DCC: variants seen among roughly 807,000 people sequenced by gnomAD.
The protein encoded by DCC is DCC netrin 1 receptor.
Under a neutral mutation model 172.5 loss-of-function variants are expected in DCC, and 58 were observed. The observed-to-expected ratio is 0.34, with a 90% CI of 0.27 to 0.42. The LOEUF is 0.42. Ranked by LOEUF, DCC falls within the 10% of genes least tolerant of loss-of-function variation. DCC has a pLI of 1.00. For missense variants in DCC, 1,740 were observed against 1,791.0 expected (o/e 0.97, Z 0.51); for synonymous variants, 709 against 644.5 (o/e 1.10, Z -1.52).
At chr18:53,345,105 A>C (rs1312102560) in intron 15 of DCC, among the ~76,000 whole-genome samples, 1 of 151,586 alleles carries the variant, frequency 6.6e-6, no homozygotes. Context: ...TTATTTGTGG[A>C]CCCAAGAATC....
intron 1 of DCC, among the ~76,000 whole-genome samples, chr18:52,566,417 A>G (rs2033162491): frequency 6.6e-6 from 1 of 152,096 alleles, no homozygotes; most frequent in African/African-American, 2.4e-5. Flanking sequence ...TACCTAATGT[A>G]GATGAGGGGT....
At chr18:53,043,705 C>T (rs2042199934) in intron 5 of DCC, among the ~76,000 whole-genome samples, 1 of 151,888 alleles carries the variant, frequency 6.6e-6, no homozygotes, top group African/African-American at 2.4e-5. Context: ...GGAAATGTGA[C>T]ATCACTGAAT....
intron 1 of DCC, among the ~76,000 whole-genome samples, chr18:52,695,192 A>G (rs2035993321): frequency 6.6e-6 from 1 of 152,190 alleles, no homozygotes; most frequent in Non-Finnish European, 1.5e-5. Context: ...GTGGCATCCT[A>G]AGCAACTTAC....
chr18:52,384,236 C>T (rs940786632), intron 1 of DCC, among the ~76,000 whole-genome samples: 1 of 152,024 alleles, frequency 6.6e-6, no homozygotes, highest in African/African-American at 2.4e-5. Flanking sequence ...TCACATAACC[C>T]CTATAATCAT....
At chr18:53,466,817 T>C (rs12709772) in intron 24 of DCC, among the ~76,000 whole-genome samples, 69,096 of 152,068 alleles carry the variant, frequency 0.45, 17,452 homozygotes, top group Non-Finnish European at 0.58. Flanking sequence ...TGAGCCACCA[T>C]GCCTGGCCAG....
chr18:52,900,997 T>C (rs950570016), intron 2 of DCC, among the ~76,000 whole-genome samples: 4 of 152,230 alleles, frequency 2.6e-5, no homozygotes, highest in Non-Finnish European at 5.9e-5. Flanking sequence ...ACAAAGTGTA[T>C]TGAGTACAGT....
intron 1 of DCC, among the ~76,000 whole-genome samples, chr18:52,658,631 C>T (rs771640850): frequency 3.9e-5 from 6 of 152,062 alleles, no homozygotes; most frequent in Admixed American, 6.6e-5. Flanking sequence ...AAGGTCATCC[C>T]TCATCACTTT....
chr18:52,915,413 CTG>C (rs1305435546), intron 3 of DCC, among the ~76,000 whole-genome samples: 1 of 152,094 alleles, frequency 6.6e-6, no homozygotes, highest in African/African-American at 2.4e-5. Context: ...TTGGGAAAAT[CTG>C]TGAATATGGA....
intron 2 of DCC, among the ~76,000 whole-genome samples, chr18:52,783,345 TTTTTTTTTTTTTTTTTAC>T (rs2037590364): frequency 8.4e-6 from 1 of 118,752 alleles, no homozygotes; most frequent in South Asian, 2.8e-4. Context: ...TTTTTTTTTT[TTTTTTTTTTTTTTTTTAC>T]AACACAAAGG....
chr18:53,211,274 A>G (rs1009747192), intron 11 of DCC, among the ~76,000 whole-genome samples: 5 of 152,162 alleles, frequency 3.3e-5, no homozygotes, highest in African/African-American at 4.8e-5. Flanking sequence ...TCCCTACTTT[A>G]CAGATGACAA....
intron 1 of DCC, among the ~76,000 whole-genome samples, chr18:52,557,463 G>T (rs1218072669): frequency 2.0e-5 from 3 of 152,146 alleles, no homozygotes; most frequent in African/African-American, 7.2e-5. Context: ...AGGAATTTCT[G>T]ATCCTTGGGG....
At chr18:52,942,570 G>C (rs1411649896) in intron 5 of DCC, among the ~76,000 whole-genome samples, 1 of 152,158 alleles carries the variant, frequency 6.6e-6, no homozygotes, top group Non-Finnish European at 1.5e-5. Flanking sequence ...GAATCATGGT[G>C]GGGCAAAAGG....
intron 12 of DCC, among the ~76,000 whole-genome samples, chr18:53,217,476 G>A (rs1017827640): frequency 2.0e-5 from 3 of 152,072 alleles, no homozygotes; most frequent in Non-Finnish European, 4.4e-5. Flanking sequence ...TTTTCAGAAT[G>A]AAAATACTAT....
intron 3 of DCC, among the ~76,000 whole-genome samples, chr18:52,913,627 A>G (rs1015684819): frequency 2.0e-5 from 3 of 152,108 alleles, no homozygotes; most frequent in Admixed American, 1.3e-4. Flanking sequence ...TGTATTTGAG[A>G]TTGTCCTCCA....
chr18:53,375,427 G>C (rs2058100128), intron 15 of DCC, among the ~76,000 whole-genome samples: 2 of 152,088 alleles, frequency 1.3e-5, no homozygotes, highest in South Asian at 4.1e-4. Context: ...AAAAAGATAT[G>C]CTTCCTCTTT....
chr18:53,418,129 T>C (rs1468584210), intron 21 of DCC, among the ~76,000 whole-genome samples: 1 of 152,206 alleles, frequency 6.6e-6, no homozygotes, highest in African/African-American at 2.4e-5. Context: ...GGAGCCATAT[T>C]CAGTCATGGT....
At chr18:53,295,135 G>A (rs2057051260) in intron 12 of DCC, among the ~76,000 whole-genome samples, 1 of 152,192 alleles carries the variant, frequency 6.6e-6, no homozygotes, top group Non-Finnish European at 1.5e-5. Flanking sequence ...AGTAATGTCA[G>A]AGTTTTCCCT....
chr18:52,667,993 T>C (rs978937595), intron 1 of DCC, among the ~76,000 whole-genome samples: 22 of 152,024 alleles, frequency 1.4e-4, no homozygotes, highest in Admixed American at 1.2e-3. Flanking sequence ...GGCGTCTTTT[T>C]AACCCCTTAC....
At chr18:53,006,949 G>A (rs887132937) in intron 5 of DCC, among the ~76,000 whole-genome samples, 1 of 152,158 alleles carries the variant, frequency 6.6e-6, no homozygotes, top group South Asian at 2.1e-4. Flanking sequence ...TATAGCATGT[G>A]TTGTACCATC....
Sources: gnomAD v4.1 joint callset for allele counts (sites outside exome capture counted in the v4.1 genomes callset) on GRCh38, gnomAD v4.1.1 for gene constraint, MANE v1.5 for transcripts, NCBI Gene and HGNC (gene_info 2026-07-23, HGNC 2026-07-21) for gene names.